Variants in CCDC60 observed in about 807,000 individuals in gnomAD.
CCDC60 encodes coiled-coil domain-containing protein 60.
In CCDC60, 54 loss-of-function variants were observed where a neutral mutation model predicts 63.5. That is an observed-to-expected ratio of 0.85 (90% CI 0.68 to 1.07). The LOEUF (loss-of-function observed/expected upper bound fraction) is 1.07. CCDC60 is among the 50% of genes least tolerant of loss of function. CCDC60 has a pLI of 0.00. For missense variants in CCDC60, 651 were observed against 684.3 expected (o/e 0.95, Z 0.54); for synonymous variants, 206 against 238.8 (o/e 0.86, Z 1.27).
intron 1 of CCDC60, among the ~76,000 whole-genome samples, chr12:119,350,063 C>G (rs1175123407): frequency 6.6e-6 from 1 of 152,130 alleles, no homozygotes; most frequent in Non-Finnish European, 1.5e-5. Flanking sequence ...GAAGAGTGGT[C>G]CTGTTCTCCT....
chr12:119,357,494 G>T (rs1351412918), intron 1 of CCDC60, among the ~76,000 whole-genome samples: 1 of 146,110 alleles, frequency 6.8e-6, no homozygotes, highest in African/African-American at 2.5e-5. Flanking sequence ...CACTCTTGTT[G>T]CCCAGGCTGG....
intron 4 of CCDC60, among the ~76,000 whole-genome samples, chr12:119,486,315 C>T (rs1307420786): frequency 6.6e-6 from 1 of 152,058 alleles, no homozygotes; most frequent in African/African-American, 2.4e-5. Flanking sequence ...GGCAGGAGGA[C>T]CGCTGGAGGC....
chr12:119,451,014 T>G (rs1231867359), intron 2 of CCDC60, among the ~76,000 whole-genome samples: 2 of 151,326 alleles, frequency 1.3e-5, no homozygotes, highest in African/African-American at 4.9e-5. Flanking sequence ...TAAGAGGGAG[T>G]GGCCCTTGTG....
chr12:119,372,964 TG>T (rs1955912843), intron 1 of CCDC60, among the ~76,000 whole-genome samples: 1 of 152,226 alleles, frequency 6.6e-6, no homozygotes, highest in African/African-American at 2.4e-5. Context: ...TAAGGTTTTT[TG>T]TTTAACGTTA....
rs1228831870 is a variant in CCDC60 at position 119,523,685 on chromosome 12, G to A, written c.1104-8G>A. 1 of 1,613,734 alleles carries A rather than the reference G, an allele frequency of 6.2e-7. No homozygotes were observed. The highest frequency in any genetic ancestry group is 8.5e-7 in the Non-Finnish European group (1 of 1,179,850). On this transcript the variant is annotated splice_region_variant and splice_polypyrimidine_tract_variant and intron_variant, in intron 10 of 13. Transcript: ENST00000327554. ...CATTCCCCAAGCCCTTCTTATCTGT[G>A]TCCACAGCCGCACTAATTGTGACAT... is the stretch of plus-strand genomic sequence containing the variant.
At chr12:119,475,118 T>C (rs1482124219) in intron 3 of CCDC60, among the ~76,000 whole-genome samples, 2 of 152,214 alleles carry the variant, frequency 1.3e-5, no homozygotes, top group South Asian at 2.1e-4. Flanking sequence ...GCACAAATTG[T>C]GCCTACCTGA....
Position 119,411,314 on chromosome 12 carries a change from G to A in CCDC60, c.91-17369G>A, listed in dbSNP as rs571190076. Among the ~76,000 whole-genome samples, 249 of 152,282 alleles carry A rather than the reference G, an allele frequency of 1.6e-3. 1 individual carries two copies. Among genetic ancestry groups the A allele is most frequent in the Admixed American group, 5.2e-3 (80 of 15,302 alleles). ...ACATGTCACATAGAACCATCAGGATGGAAGGGAGGAGGCCAGACAGTAGCC... is the reference window on the plus strand; with the variant it reads ...ACATGTCACATAGAACCATCAGGATAGAAGGGAGGAGGCCAGACAGTAGCC... On this transcript the variant is annotated intron_variant, in intron 1 of 13. Coordinates refer to ENST00000327554, the MANE Select transcript of CCDC60 (RefSeq NM_178499.5).
chr12:119,457,451 A>T (rs150649066), intron 2 of CCDC60, among the ~76,000 whole-genome samples: 1 of 152,346 alleles, frequency 6.6e-6, no homozygotes, highest in East Asian at 1.9e-4. Context: ...TGGGCATTAC[A>T]ATTAGCAAAT....
At chr12:119,417,186 A>G (rs1402604459) in intron 1 of CCDC60, among the ~76,000 whole-genome samples, 2 of 152,096 alleles carry the variant, frequency 1.3e-5, no homozygotes, top group Non-Finnish European at 2.9e-5. Flanking sequence ...AGTGTTCTCA[A>G]TTGAGGGTGA....
At chr12:119,395,205 G>A (rs918834072) in intron 1 of CCDC60, among the ~76,000 whole-genome samples, 6 of 152,160 alleles carry the variant, frequency 3.9e-5, no homozygotes, top group African/African-American at 1.4e-4. Flanking sequence ...AAGAATTGAG[G>A]CTTTCCTTTG....
At chr12:119,355,891 G>A (rs1565968332) in intron 1 of CCDC60, among the ~76,000 whole-genome samples, 4 of 152,176 alleles carry the variant, frequency 2.6e-5, no homozygotes, top group Non-Finnish European at 5.9e-5. Context: ...AAGCTGACAT[G>A]GCATGCTGGT....
At chr12:119,477,302 C>A (rs552026386) in intron 3 of CCDC60, among the ~76,000 whole-genome samples, 2 of 152,328 alleles carry the variant, frequency 1.3e-5, no homozygotes, top group Non-Finnish European at 2.9e-5. Context: ...ATAGACCTAC[C>A]TCTCGATTGG....
At chr12:119,500,907 C>G (rs1249733820) in intron 6 of CCDC60, among the ~76,000 whole-genome samples, 3 of 152,132 alleles carry the variant, frequency 2.0e-5, no homozygotes, top group African/African-American at 7.2e-5. Context: ...AGATTTTCTA[C>G]AAACTAGAAG....
chr12:119,400,795 A>G (rs774278446), intron 1 of CCDC60, among the ~76,000 whole-genome samples: 4 of 152,164 alleles, frequency 2.6e-5, no homozygotes, highest in Non-Finnish European at 5.9e-5. Flanking sequence ...AGTCATAGCT[A>G]TCTTATTTGC....
In CCDC60 at chr12:119,476,184, C is replaced by T. The variant is rs1252577788; in HGVS notation, c.342-2910C>T. On this transcript the variant is annotated intron_variant, in intron 3 of 13. Coordinates refer to ENST00000327554, the MANE Select transcript of CCDC60 (RefSeq NM_178499.5). Reference sequence around the variant, plus strand: ...CAAGCACATCCCCAAAGATTTCTGCCTGCAAGCAGTCTTTCCCACTGTGCT... The same window carrying T: ...CAAGCACATCCCCAAAGATTTCTGCTTGCAAGCAGTCTTTCCCACTGTGCT... Among the ~76,000 whole-genome samples the T allele has an allele frequency of 2.0e-5, 3 of 152,144 alleles. No homozygotes were observed. In the East Asian group the frequency reaches 5.8e-4, roughly 29 times the overall value.
intron 3 of CCDC60, among the ~76,000 whole-genome samples, chr12:119,475,433 A>G (rs1276110444): frequency 6.6e-6 from 1 of 152,214 alleles, no homozygotes; most frequent in African/African-American, 2.4e-5. Flanking sequence ...TTAAAGTTTA[A>G]TAAGTTTAAA....
chr12:119,370,891 G>A (rs538076117), intron 1 of CCDC60, among the ~76,000 whole-genome samples: 1 of 152,016 alleles, frequency 6.6e-6, no homozygotes, highest in East Asian at 1.9e-4. Context: ...ACTTAGCCAG[G>A]TATAGTGGCA....
intron 1 of CCDC60, among the ~76,000 whole-genome samples, chr12:119,376,382 C>T (rs561735341): frequency 6.6e-6 from 1 of 152,298 alleles, no homozygotes; most frequent in African/African-American, 2.4e-5. Context: ...AATCGCAGCA[C>T]TTTGGGAAGC....
intron 3 of CCDC60, among the ~76,000 whole-genome samples, chr12:119,477,615 A>G (rs1049777283): frequency 6.6e-6 from 1 of 152,240 alleles, no homozygotes; most frequent in African/African-American, 2.4e-5. Context: ...TCAATGATCC[A>G]ATCAATGAAA....
Sources: gnomAD v4.1 joint callset for allele counts (sites outside exome capture counted in the v4.1 genomes callset) on GRCh38, gnomAD v4.1.1 for gene constraint, MANE v1.5 for transcripts, NCBI Gene and HGNC (gene_info 2026-07-23, HGNC 2026-07-21) for gene names.